AGBL4: variants seen among roughly 807,000 people sequenced by gnomAD.
AGBL4 encodes the protein cytosolic carboxypeptidase 6.
A neutral mutation model predicts 66.4 loss-of-function variants in AGBL4; 58 were observed. The ratio of observed to expected loss-of-function variants is 0.87; its 90% CI spans 0.71 to 1.09. The LOEUF is 1.09. Among genes scored for constraint, AGBL4 ranks in the 50% least tolerant of loss-of-function variants. The pLI is 0.00. For missense variants in AGBL4, 579 were observed against 631.0 expected (o/e 0.92, Z 0.88); for synonymous variants, 234 against 222.9 (o/e 1.05, Z -0.44).
chr1:49,291,383 T>C (rs1026558322), intron 3 of AGBL4, among the ~76,000 whole-genome samples: 1 of 152,116 alleles, frequency 6.6e-6, no homozygotes, highest in African/African-American at 2.4e-5. Flanking sequence ...AAAAGGATAA[T>C]AGTCCAATGT....
chr1:49,385,171 A>C (rs1343058405), intron 3 of AGBL4, among the ~76,000 whole-genome samples: 2 of 152,194 alleles, frequency 1.3e-5, no homozygotes, highest in Non-Finnish European at 2.9e-5. Context: ...GGGTTGTTCA[A>C]TGAGTATAGA....
chr1:50,016,238 G>T (rs1661971390), intron 1 of AGBL4, among the ~76,000 whole-genome samples: 1 of 152,134 alleles, frequency 6.6e-6, no homozygotes, highest in South Asian at 2.1e-4. Flanking sequence ...TTCAACTAAG[G>T]TCTAATATCC....
At chr1:49,112,034 A>C (rs897732099) in intron 4 of AGBL4, among the ~76,000 whole-genome samples, 3 of 152,230 alleles carry the variant, frequency 2.0e-5, no homozygotes, top group African/African-American at 7.2e-5. Flanking sequence ...AACATAATGT[A>C]GTAGTTTCAC....
At chr1:49,412,298 C>T (rs968110032) in intron 3 of AGBL4, among the ~76,000 whole-genome samples, 1 of 151,920 alleles carries the variant, frequency 6.6e-6, no homozygotes, top group Non-Finnish European at 1.5e-5. Context: ...TGCAGACAAC[C>T]AACTTCTCCT....
chr1:49,553,817 T>C (rs1370902281), intron 3 of AGBL4, among the ~76,000 whole-genome samples: 1 of 152,208 alleles, frequency 6.6e-6, no homozygotes, highest in Non-Finnish European at 1.5e-5. Flanking sequence ...ATTATTATAA[T>C]GTTTATAATT....
intron 6 of AGBL4, among the ~76,000 whole-genome samples, chr1:48,787,699 A>G (rs1387878629): frequency 6.6e-6 from 1 of 152,184 alleles, no homozygotes. Context: ...TATCAGGCAC[A>G]CCTCTATTAT....
chr1:49,249,920 G>T (rs1651917261), intron 3 of AGBL4, among the ~76,000 whole-genome samples: 1 of 152,198 alleles, frequency 6.6e-6, no homozygotes, highest in Admixed American at 6.5e-5. Flanking sequence ...CCTGTCATTT[G>T]CAGCAATGGA....
intron 4 of AGBL4, among the ~76,000 whole-genome samples, chr1:49,075,821 CA>C (rs1644698943): frequency 6.6e-6 from 1 of 152,016 alleles, no homozygotes; most frequent in Non-Finnish European, 1.5e-5. Flanking sequence ...CCTAGAATAC[CA>C]AAATAGATAT....
At chr1:49,560,486 A>G (rs989941481) in intron 3 of AGBL4, among the ~76,000 whole-genome samples, 1 of 152,148 alleles carries the variant, frequency 6.6e-6, no homozygotes, top group Non-Finnish European at 1.5e-5. Flanking sequence ...AGTAGCCACA[A>G]AAGGGTAAAT....
intron 11 of AGBL4, among the ~76,000 whole-genome samples, chr1:48,560,131 G>T (rs1486689574): frequency 6.6e-6 from 1 of 152,106 alleles, no homozygotes; most frequent in African/African-American, 2.4e-5. Context: ...GACACTTGCA[G>T]CTTTTTATCT....
At chr1:49,864,840 C>A (rs745808958) in intron 1 of AGBL4, among the ~76,000 whole-genome samples, 12 of 152,168 alleles carry the variant, frequency 7.9e-5, no homozygotes, top group South Asian at 2.1e-4. Context: ...CGGCTGCCTG[C>A]TGCCTAGGAT....
chr1:49,291,118 G>A (rs1396180973), intron 3 of AGBL4, among the ~76,000 whole-genome samples: 8 of 152,216 alleles, frequency 5.3e-5, no homozygotes. Context: ...GGTATCCAAG[G>A]AGGTCCTGGA....
chr1:49,622,201 C>G (rs1645373734), intron 3 of AGBL4, among the ~76,000 whole-genome samples: 1 of 152,126 alleles, frequency 6.6e-6, no homozygotes, highest in Admixed American at 6.5e-5. Context: ...ACAGTGTAGC[C>G]AGACTTAAGT....
intron 9 of AGBL4, among the ~76,000 whole-genome samples, chr1:48,631,109 A>G (rs1451821585): frequency 6.6e-6 from 1 of 152,232 alleles, no homozygotes; most frequent in Non-Finnish European, 1.5e-5. Context: ...TTCTGTGGGC[A>G]GAAGGCAACC....
intron 2 of AGBL4, among the ~76,000 whole-genome samples, chr1:49,796,926 C>T (rs984992901): frequency 6.6e-6 from 1 of 151,914 alleles, no homozygotes. Context: ...CTATAGTTAA[C>T]GAATTGCAGT....
chr1:49,807,151 T>G (rs758526076), intron 2 of AGBL4, among the ~76,000 whole-genome samples: 1 of 152,030 alleles, frequency 6.6e-6, no homozygotes, highest in Non-Finnish European at 1.5e-5. Flanking sequence ...CTGTACCTAG[T>G]GGGGTACAGC....
At chr1:49,315,486 A>G (rs572485269) in intron 3 of AGBL4, among the ~76,000 whole-genome samples, 6 of 152,300 alleles carry the variant, frequency 3.9e-5, no homozygotes, top group Non-Finnish European at 8.8e-5. Context: ...AATTTTTGCA[A>G]TCTATCCATC....
chr1:49,438,428 G>C (rs1299100719), intron 3 of AGBL4, among the ~76,000 whole-genome samples: 1 of 152,148 alleles, frequency 6.6e-6, no homozygotes, highest in African/African-American at 2.4e-5. Flanking sequence ...CATGTCCTTG[G>C]CAGGAAACAG....
At position 49,230,589 on chromosome 1, in the gene AGBL4, C is replaced by A. The variant is rs536112145; in HGVS notation, c.377+15181G>T. On this transcript the variant is annotated intron_variant, in intron 4 of 13. Coordinates refer to ENST00000371839, the MANE Select transcript of AGBL4 (RefSeq NM_032785.4). Reference sequence around the variant, plus strand: ...CTGGCTTTATCTTCCTCAATTCACTCTTTTTAAATCTATCTTGGGGTTTCA... The same window carrying A: ...CTGGCTTTATCTTCCTCAATTCACTATTTTTAAATCTATCTTGGGGTTTCA... Among the ~76,000 whole-genome samples the A allele has an allele frequency of 3.9e-5, 6 of 152,280 alleles. 1 individual carries two copies. The South Asian group carries it at 1.2e-3, about 32-fold the overall frequency.
Sources: gnomAD v4.1 joint callset for allele counts (sites outside exome capture counted in the v4.1 genomes callset) on GRCh38, gnomAD v4.1.1 for gene constraint, MANE v1.5 for transcripts, NCBI Gene and HGNC (gene_info 2026-07-23, HGNC 2026-07-21) for gene names.